The following PTPRQ variants were observed in gnomAD, a reference collection of about 807,000 sequenced individuals.
PTPRQ encodes the protein phosphatidylinositol phosphatase PTPRQ.
Under a neutral mutation model 246.0 loss-of-function variants are expected in PTPRQ, and 199 were observed. That is an observed-to-expected ratio of 0.81 (90% CI 0.72 to 0.91). PTPRQ has a LOEUF of 0.91. Ranked by LOEUF, PTPRQ falls within the 40% of genes least tolerant of loss-of-function variation. The pLI, the probability that PTPRQ is intolerant of heterozygous loss-of-function variation, is 0.00. For missense variants in PTPRQ, 2,624 were observed against 2,528.4 expected (o/e 1.04, Z -0.81); for synonymous variants, 869 against 853.2 (o/e 1.02, Z -0.32).
rs552793638 is a variant in PTPRQ, at chr12:80,549,593, A to T, written c.4144A>T (p.Thr1382Ser). Reference sequence around the variant, plus strand: ...TATGGTAACAGTTGAAAGGAATTCTACAAAAGTTTCTCCCCAAGATCACAT... The same window carrying T: ...TATGGTAACAGTTGAAAGGAATTCTTCAAAAGTTTCTCCCCAAGATCACAT... ...QYMVTVERNS[T>S]KVSPQDHMYT... Residue 1382 changes from threonine (T) to serine (S), a missense_variant, in exon 25 of 45, where the codon ACA becomes TCA. Thr to Ser is a moderately conservative substitution (Grantham distance 58, BLOSUM62 1). Transcript: ENST00000644991. 480 of 1,551,266 alleles carry T rather than the reference A, an allele frequency of 3.1e-4. No individual in the cohort carries two copies. The highest frequency in any genetic ancestry group is 1.7e-4 in the Non-Finnish European group (198 of 1,146,646).
chr12:80,631,709 A>G (rs1290400003), intron 33 of PTPRQ, among the ~76,000 whole-genome samples: 1 of 152,198 alleles, frequency 6.6e-6, no homozygotes, highest in Non-Finnish European at 1.5e-5. Context: ...GTATTCTATG[A>G]AAGAGAGTCA....
At chr12:80,674,836 C>A (rs1016516666) in intron 43 of PTPRQ, among the ~76,000 whole-genome samples, 1 of 151,976 alleles carries the variant, frequency 6.6e-6, no homozygotes, top group Non-Finnish European at 1.5e-5. Context: ...AAAAACTGAT[C>A]TAGCTTTTTG....
At chr12:80,471,507 TC>T in intron 7 of PTPRQ, among the ~76,000 whole-genome samples, 1 of 12,294 alleles carries the variant, frequency 8.1e-5, no homozygotes, top group African/African-American at 3.2e-4. Context: ...AGACAGAGTC[TC>T]GCTCTGTCGC....
intron 39 of PTPRQ, among the ~76,000 whole-genome samples, chr12:80,666,371 C>T (rs1030906283): frequency 6.6e-6 from 1 of 151,580 alleles, no homozygotes; most frequent in African/African-American, 2.4e-5. Context: ...AAGTTGATCT[C>T]GTGAAAGTAG....
chr12:80,522,763 G>T (rs1895543452), intron 17 of PTPRQ, among the ~76,000 whole-genome samples: 1 of 152,156 alleles, frequency 6.6e-6, no homozygotes, highest in Non-Finnish European at 1.5e-5. Flanking sequence ...GATTTGGTTT[G>T]CCAGTATTTT....
chr12:80,598,002 G>C (rs1898024920), intron 26 of PTPRQ, among the ~76,000 whole-genome samples: 1 of 151,914 alleles, frequency 6.6e-6, no homozygotes, highest in African/African-American at 2.4e-5. Context: ...TATTGAAACT[G>C]AGAGGTTTTC....
chr12:80,590,685 A>G (rs1004524750), intron 26 of PTPRQ, among the ~76,000 whole-genome samples: 1 of 151,572 alleles, frequency 6.6e-6, no homozygotes, highest in East Asian at 1.9e-4. Flanking sequence ...AAAAAAAAAA[A>G]AAAAAACTAT....
At chr12:80,634,897 A>C in intron 34 of PTPRQ, 48 bp from the exon 35 acceptor site, 1 of 1,541,192 alleles carries the variant, frequency 6.5e-7, no homozygotes, top group Non-Finnish European at 8.7e-7. Flanking sequence ...CTAATTTTAT[A>C]TACTTTGTGT....
Position 80,542,866 on chromosome 12 carries a change from C to T in PTPRQ, c.3858C>T (p.Asp1286=), listed in dbSNP as rs1896196038. 1 of 1,512,448 alleles carries T rather than the reference C, an allele frequency of 6.6e-7. No individual in the cohort carries two copies. Among genetic ancestry groups the T allele is most frequent in the African/African-American group, 1.4e-5 (1 of 71,350 alleles). The allele number at this position is 1,512,448 out of a possible 1,614,324, so 93.7% of individuals were successfully genotyped here. Residue 1286 remains aspartate (D), a synonymous_variant, in exon 23 of 45, where the codon GAC becomes GAT. Coordinates refer to ENST00000644991, the MANE Select transcript of PTPRQ (RefSeq NM_001145026.2). Reference sequence around the variant, plus strand: ...TTAAAATTCATGAACATGAAACTGACACTATATATTATAAGGTAGGTTGAT... The same window carrying T: ...TTAAAATTCATGAACATGAAACTGATACTATATATTATAAGGTAGGTTGAT... ...YSFKIHEHET[D]TIYYKNISGF... is the part of the protein sequence containing the mutation.
chr12:80,631,863 A>G (rs1190605145), intron 33 of PTPRQ, among the ~76,000 whole-genome samples: 1 of 152,206 alleles, frequency 6.6e-6, no homozygotes, highest in Non-Finnish European at 1.5e-5. Flanking sequence ...ATACTTCAAA[A>G]TAAAGACGTC....
At chr12:80,545,007 T>G (rs780165553) in intron 23 of PTPRQ, among the ~76,000 whole-genome samples, 1 of 152,150 alleles carries the variant, frequency 6.6e-6, no homozygotes, top group Non-Finnish European at 1.5e-5. Context: ...TCACTCATGT[T>G]TCTCTTTTTG....
intron 33 of PTPRQ, among the ~76,000 whole-genome samples, chr12:80,628,677 C>T (rs866895234): frequency 3.3e-5 from 5 of 151,830 alleles, no homozygotes; most frequent in African/African-American, 9.7e-5. Flanking sequence ...TCTCTCAGAC[C>T]GTGGAATAGT....
intron 3 of PTPRQ, among the ~76,000 whole-genome samples, chr12:80,450,754 T>C (rs2120416116): frequency 6.6e-6 from 1 of 152,338 alleles, no homozygotes; most frequent in East Asian, 1.9e-4. Flanking sequence ...GATAAGCTTT[T>C]TGGTGTGCTG....
At position 80,541,631 on chromosome 12, in the gene PTPRQ, G is replaced by A. The variant is rs765073287; in HGVS notation, c.3231G>A (p.Pro1077=). ...CAATAAATGTAAGCTGGGTCCCACCGGCTCAACCAAACGGTCTAGTCTTCT... is the reference window on the plus strand; with the variant it reads ...CAATAAATGTAAGCTGGGTCCCACCAGCTCAACCAAACGGTCTAGTCTTCT... The part of the protein sequence containing the change: ...STAINVSWVP[P]AQPNGLVFYY... The change falls in exon 21 of 45, where the codon CCG becomes CCA. Residue 1077 remains proline, a synonymous_variant. Transcript: ENST00000644991. 9.7e-6 allele frequency: 15 copies of A among 1,547,758 alleles called. No homozygotes were observed. The highest frequency in any genetic ancestry group is 9.6e-5 in the African/African-American group (7 of 72,896).
At chr12:80,554,867 T>C (rs964563723) in intron 25 of PTPRQ, among the ~76,000 whole-genome samples, 2 of 152,090 alleles carry the variant, frequency 1.3e-5, no homozygotes, top group South Asian at 4.2e-4. Flanking sequence ...CTCAGCCTCC[T>C]GAGTAGCTAG....
intron 3 of PTPRQ, among the ~76,000 whole-genome samples, chr12:80,455,358 C>T (rs977298349): frequency 3.9e-5 from 6 of 151,952 alleles, no homozygotes; most frequent in African/African-American, 1.5e-4. Flanking sequence ...AATAATTTAG[C>T]CCTTATAACT....
At chr12:80,667,507 A>C (rs575928567) in intron 39 of PTPRQ, among the ~76,000 whole-genome samples, 14 of 152,068 alleles carry the variant, frequency 9.2e-5, no homozygotes, top group African/African-American at 3.1e-4. Context: ...TGTAATTTGC[A>C]TACATAATAT....
intron 9 of PTPRQ, among the ~76,000 whole-genome samples, chr12:80,487,401 C>T (rs1435699640): frequency 2.6e-5 from 4 of 152,030 alleles, no homozygotes; most frequent in Non-Finnish European, 5.9e-5. Flanking sequence ...AAGAATAAGG[C>T]CTAAAGAGCG....
intron 19 of PTPRQ, among the ~76,000 whole-genome samples, chr12:80,536,742 G>T (rs752814309): frequency 1.3e-4 from 20 of 152,090 alleles, no homozygotes; most frequent in African/African-American, 4.6e-4. Context: ...GGCCTAGAGA[G>T]GCAATTTATT....
Sources: allele counts gnomAD v4.1 joint callset (sites outside exome capture counted in the v4.1 genomes callset), GRCh38; gene constraint gnomAD v4.1.1; transcripts MANE v1.5; gene names NCBI Gene and HGNC (gene_info 2026-07-23, HGNC 2026-07-21).